Variants in XRN1 observed in about 807,000 individuals in gnomAD.
The protein encoded by XRN1 is strand-exchange protein 1 homolog.
Under a neutral mutation model 222.3 loss-of-function variants are expected in XRN1, and 67 were observed. The ratio of observed to expected loss-of-function variants is 0.30; its 90% confidence interval spans 0.25 to 0.37. The LOEUF (loss-of-function observed/expected upper bound fraction) is 0.37, where lower values mean the gene tolerates loss of function less well. Among genes scored for constraint, XRN1 ranks in the 10% least tolerant of loss-of-function variants. The pLI is 1.00. For synonymous variants in XRN1, 643 were observed against 652.4 expected, an observed-to-expected ratio of 0.99 and a Z score of 0.22; for missense variants, 1,707 against 2,000.2, an observed-to-expected ratio of 0.85 and a Z score of 2.80.
intron 30 of XRN1, 98 bp downstream of exon 30, chr3:142,359,764 T>C (rs1265372155): frequency 1.1e-6 from 1 of 878,182 alleles, no homozygotes; most frequent in Non-Finnish European, 1.8e-6. Flanking sequence ...GTCTTACACA[T>C]CCCACAAACT....
At chr3:142,440,766 C>A (rs371537392) in intron 1 of XRN1, among the ~76,000 whole-genome samples, 6 of 151,100 alleles carry the variant, frequency 4.0e-5, no homozygotes, top group Admixed American at 1.3e-4. Flanking sequence ...GGAAGCAGAG[C>A]GGTTTACAGT....
intron 31 of XRN1, among the ~76,000 whole-genome samples, chr3:142,356,504 T>C (rs2066469727): frequency 1.3e-5 from 2 of 152,332 alleles, no homozygotes; most frequent in Admixed American, 6.5e-5. Flanking sequence ...ATAAATTGTA[T>C]GGTAGAAACT....
intron 20 of XRN1, among the ~76,000 whole-genome samples, chr3:142,390,674 T>C (rs1301476277): frequency 1.3e-5 from 2 of 152,248 alleles, no homozygotes; most frequent in African/African-American, 4.8e-5. Context: ...TTATCATTGG[T>C]GTATTCACTG....
At chr3:142,363,819 C>A (rs560348680) in intron 29 of XRN1, among the ~76,000 whole-genome samples, 48 of 152,314 alleles carry the variant, frequency 3.2e-4, no homozygotes, top group Admixed American at 7.8e-4. Flanking sequence ...TTATCAATTT[C>A]TACAAAACAG....
chr3:142,345,683 A>G (rs572818523), intron 33 of XRN1, among the ~76,000 whole-genome samples: 3 of 152,360 alleles, frequency 2.0e-5, no homozygotes, highest in East Asian at 1.9e-4. Context: ...TAGCATGTAT[A>G]AAGAACTCTT....
At chr3:142,404,680 A>G (rs988765249) in intron 16 of XRN1, among the ~76,000 whole-genome samples, 13 of 152,240 alleles carry the variant, frequency 8.5e-5, no homozygotes, top group Non-Finnish European at 1.6e-4. Flanking sequence ...GAAGAAGGAA[A>G]GAGAAACAAA....
chr3:142,393,894 T>C (rs1223866371), intron 20 of XRN1, among the ~76,000 whole-genome samples: 1 of 152,050 alleles, frequency 6.6e-6, no homozygotes, highest in African/African-American at 2.4e-5. Context: ...TGGTGTGATC[T>C]TGGCTCACTG....
chr3:142,384,969 G>GA (rs1190691854), intron 20 of XRN1, among the ~76,000 whole-genome samples: 1 of 151,988 alleles, frequency 6.6e-6, no homozygotes, highest in Non-Finnish European at 1.5e-5. Context: ...AAAAAACAGG[G>GA]AAAAAAATAA....
chr3:142,433,566 G>C (rs894067561), intron 1 of XRN1, among the ~76,000 whole-genome samples: 2 of 152,030 alleles, frequency 1.3e-5, no homozygotes, highest in Non-Finnish European at 2.9e-5. Flanking sequence ...GTTTGTGTTG[G>C]AACTCTTGGT....
At chr3:142,322,736 G>A (rs1195276763) in intron 37 of XRN1, among the ~76,000 whole-genome samples, 2 of 151,956 alleles carry the variant, frequency 1.3e-5, no homozygotes, top group Non-Finnish European at 2.9e-5. Flanking sequence ...CAGGCACGGT[G>A]GCTCACACCT....
intron 23 of XRN1, among the ~76,000 whole-genome samples, chr3:142,379,386 C>T (rs2067235536): frequency 6.6e-6 from 1 of 152,232 alleles, no homozygotes; most frequent in Admixed American, 6.5e-5. Context: ...AGAATAAAGA[C>T]ATCTCCAGAC....
chr3:142,338,797 G>C (rs1410112185), intron 33 of XRN1, among the ~76,000 whole-genome samples: 1 of 152,162 alleles, frequency 6.6e-6, no homozygotes, highest in Non-Finnish European at 1.5e-5. Flanking sequence ...GAGTTCATCA[G>C]CAACAGCCTA....
chr3:142,317,235 A>C (rs914866123), intron 39 of XRN1, among the ~76,000 whole-genome samples: 11 of 152,170 alleles, frequency 7.2e-5, no homozygotes, highest in African/African-American at 2.7e-4. Context: ...GTTTTGTTTT[A>C]GAAAAGTTTA....
Position 142,370,638 on chromosome 3 carries a change from A to T in XRN1, c.3069-18T>A, listed in dbSNP as rs1387170725. ...TTTCAGCACTAAAGCAAAAACAATAATTTTTAAAATTTGATTAAAACTTTC... is the reference window on the plus strand; with the variant it reads ...TTTCAGCACTAAAGCAAAAACAATATTTTTTAAAATTTGATTAAAACTTTC... On this transcript the variant is annotated intron_variant, in intron 26 of 40. Coordinates refer to ENST00000392981, the MANE Select transcript of XRN1 (RefSeq NM_001282857.2). 1 of 1,550,622 alleles carries T rather than the reference A, an allele frequency of 6.4e-7. No homozygotes were observed. Among genetic ancestry groups the T allele is most frequent in the African/African-American group, 1.4e-5 (1 of 71,336 alleles).
intron 25 of XRN1, among the ~76,000 whole-genome samples, chr3:142,373,711 G>C (rs1577317497): frequency 6.6e-6 from 1 of 152,190 alleles, no homozygotes; most frequent in African/African-American, 2.4e-5. Context: ...GGGAAGGCCA[G>C]GTGTTGTGGC....
intron 1 of XRN1, among the ~76,000 whole-genome samples, chr3:142,434,142 A>ATTTATT (rs537345336): frequency 6.6e-6 from 1 of 151,894 alleles, no homozygotes; most frequent in Non-Finnish European, 1.5e-5. Flanking sequence ...GGGGTATTTT[A>ATTTATT]TTTATTTTTA....
intron 37 of XRN1, among the ~76,000 whole-genome samples, chr3:142,323,294 G>GT (rs75425647): frequency 0.04 from 5,522 of 136,950 alleles, 143 homozygotes; most frequent in Non-Finnish European, 0.052. Flanking sequence ...TTTTTTTTTT[G>GT]TTTTTTTTTT....
At position 142,380,123 on chromosome 3, in the gene XRN1, G is replaced by A; in HGVS notation, c.2674C>T (p.Pro892Ser). 1.2e-6 allele frequency: 2 copies of A among 1,613,874 alleles called. No homozygotes were observed. The highest frequency in any genetic ancestry group is 8.5e-7 in the Non-Finnish European group (1 of 1,179,944). ...EGRIRVIFSIPCEPNLDALIQ... is the reference protein window; with the variant it reads ...EGRIRVIFSISCEPNLDALIQ... The stretch of plus-strand genomic sequence containing the variant: ...AAAGCATCAAGATTGGGTTCACATG[G>A]AATGCTGAAAATCACACGAATCCTA... Residue 892 changes from proline to serine, a missense_variant, in exon 23 of 41, where the codon CCA becomes TCA. Coordinates refer to ENST00000392981, the MANE Select transcript of XRN1 (RefSeq NM_001282857.2).
intron 20 of XRN1, among the ~76,000 whole-genome samples, chr3:142,390,803 C>A (rs1302854248): frequency 6.6e-6 from 1 of 152,184 alleles, no homozygotes; most frequent in Non-Finnish European, 1.5e-5. Flanking sequence ...TAAGCTTAAT[C>A]ATTTCCAGCT....
Sources: gnomAD v4.1 joint callset for allele counts (sites outside exome capture counted in the v4.1 genomes callset) on GRCh38, gnomAD v4.1.1 for gene constraint, MANE v1.5 for transcripts, NCBI Gene and HGNC (gene_info 2026-07-23, HGNC 2026-07-21) for gene names.